Variants in FAM184A observed in about 807,000 individuals in gnomAD.
The protein encoded by FAM184A is family with sequence similarity 184 member A, also known as protein FAM184A.
FAM184A carries 99 observed loss-of-function variants against 143.8 expected under a neutral mutation model. That is an observed-to-expected ratio of 0.69 (90% confidence interval 0.58 to 0.81). The LOEUF is 0.81. Among genes scored for constraint, FAM184A ranks in the 40% least tolerant of loss-of-function variants. The pLI is 0.00. For synonymous variants in FAM184A, 427 were observed against 446.4 expected, an observed-to-expected ratio of 0.96 and a Z score of 0.55; for missense variants, 1,217 against 1,310.5, an observed-to-expected ratio of 0.93 and a Z score of 1.10.
intron 12 of FAM184A, among the ~76,000 whole-genome samples, chr6:118,975,690 GAC>G (rs1783824631): frequency 6.6e-6 from 1 of 152,314 alleles, no homozygotes; most frequent in East Asian, 1.9e-4. Flanking sequence ...GCAGTTATCT[GAC>G]AGTTAAGCTC....
chr6:118,968,807 T>C (rs1483562373), intron 14 of FAM184A, among the ~76,000 whole-genome samples: 2 of 131,588 alleles, frequency 1.5e-5, no homozygotes, highest in Non-Finnish European at 3.2e-5. Context: ...AGCAATCAGT[T>C]ACAATCTCTG....
At chr6:119,004,242 G>C (rs541282483) in intron 7 of FAM184A, among the ~76,000 whole-genome samples, 1 of 152,184 alleles carries the variant, frequency 6.6e-6, no homozygotes, top group African/African-American at 2.4e-5. Flanking sequence ...GGCAACCATC[G>C]GCCCCTGCCA....
At chr6:119,069,405 T>G (rs1050248944) in intron 1 of FAM184A, among the ~76,000 whole-genome samples, 3 of 152,110 alleles carry the variant, frequency 2.0e-5, no homozygotes, top group Non-Finnish European at 4.4e-5. Context: ...CTGAAAGAAA[T>G]GAGAATCTTT....
chr6:119,075,669 T>C (rs189291267), intron 1 of FAM184A, among the ~76,000 whole-genome samples: 2 of 152,326 alleles, frequency 1.3e-5, no homozygotes, highest in East Asian at 1.9e-4. Flanking sequence ...ATATTAGCCA[T>C]TGTCAAGTTC....
At chr6:119,006,369 T>G in intron 7 of FAM184A, 78 bp downstream of exon 7, 1 of 1,375,994 alleles carries the variant, frequency 7.3e-7, no homozygotes, top group South Asian at 1.3e-5. Context: ...ATGTGCTGTT[T>G]AAATAGCTCT....
chr6:119,074,030 AG>A (rs1469246779), intron 1 of FAM184A, among the ~76,000 whole-genome samples: 2 of 152,230 alleles, frequency 1.3e-5, no homozygotes, highest in Non-Finnish European at 2.9e-5. Flanking sequence ...TCAGCGCATA[AG>A]GGAATTCTCA....
chr6:119,133,427 G>C (rs991598847), intron 1 of FAM184A, among the ~76,000 whole-genome samples: 2 of 152,082 alleles, frequency 1.3e-5, no homozygotes, highest in African/African-American at 4.8e-5. Flanking sequence ...AGCACCTATG[G>C]AAAGGAAAGG....
chr6:119,084,093 A>AAGAG (rs1554195093), intron 1 of FAM184A, among the ~76,000 whole-genome samples: 6 of 151,514 alleles, frequency 4.0e-5, no homozygotes, highest in South Asian at 2.1e-4. Flanking sequence ...GAGAGAGAGA[A>AAGAG]AGAGAGAGAG....
chr6:119,023,562 C>G (rs112474804), intron 2 of FAM184A, among the ~76,000 whole-genome samples: 9,031 of 118,256 alleles, frequency 0.076, 1,421 homozygotes, highest in African/African-American at 0.24. Flanking sequence ...TCCGCCCCCC[C>G]CCCCAGGAAC....
At chr6:119,013,451 A>G (rs768733014) in intron 5 of FAM184A, among the ~76,000 whole-genome samples, 3 of 152,224 alleles carry the variant, frequency 2.0e-5, no homozygotes, top group Non-Finnish European at 1.5e-5. Flanking sequence ...AATGAAAAGT[A>G]ATACCAAAAG....
chr6:119,101,839 C>T (rs1338210812), intron 1 of FAM184A, among the ~76,000 whole-genome samples: 2 of 151,924 alleles, frequency 1.3e-5, no homozygotes, highest in Admixed American at 1.3e-4. Flanking sequence ...GCACATCACC[C>T]GAGGTCAGGA....
chr6:118,961,914 G>A lies in FAM184A; in HGVS notation c.3188C>T (p.Pro1063Leu). 6.2e-7 allele frequency: 1 copy of A among 1,613,832 alleles called. No individual in the cohort carries two copies. Among genetic ancestry groups the A allele is most frequent in the Non-Finnish European group, 8.5e-7 (1 of 1,179,856 alleles). The change falls in exon 17 of 18, where the codon CCC (proline) becomes CTC (leucine). Residue 1063 changes from proline to leucine, a missense_variant. By Grantham distance (98) the Pro-to-Leu change is moderately conservative. Transcript: ENST00000338891. ...KSPTNRFVSV[P>L]NLSALESGGV... Reference sequence around the variant, plus strand: ...ACCAGATTCCAGAGCACTTAGATTGGGAACACTCACAAACCTGTTTGTTGG... The same window carrying A: ...ACCAGATTCCAGAGCACTTAGATTGAGAACACTCACAAACCTGTTTGTTGG...
chr6:119,125,454 G>T (rs1412418918), intron 1 of FAM184A, among the ~76,000 whole-genome samples: 2 of 152,130 alleles, frequency 1.3e-5, no homozygotes, highest in Non-Finnish European at 2.9e-5. Context: ...TGTATTTTTA[G>T]TAGAGATGAG....
chr6:119,119,909 A>C (rs545576695), intron 1 of FAM184A, among the ~76,000 whole-genome samples: 17 of 152,316 alleles, frequency 1.1e-4, no homozygotes, highest in African/African-American at 4.1e-4. Context: ...GCTTGAGCCC[A>C]GGAGGTCGAG....
intron 9 of FAM184A, among the ~76,000 whole-genome samples, chr6:118,985,837 T>C (rs1313653221): frequency 2.0e-5 from 3 of 152,210 alleles, no homozygotes; most frequent in Non-Finnish European, 4.4e-5. Flanking sequence ...AAAAAACTGC[T>C]AACCTAGGCT....
chr6:119,024,880 T>TCCAAATGAAAGAATTGAC, intron 1 of FAM184A, 67 bp from the exon 2 acceptor site: 1 of 1,378,426 alleles, frequency 7.3e-7, no homozygotes, highest in Non-Finnish European at 9.8e-7. Flanking sequence ...TTGAAGTCAA[T>TCCAAATGAAAGAATTGAC]TCTTTCATTT....
intron 9 of FAM184A, among the ~76,000 whole-genome samples, chr6:118,981,554 C>G (rs1162784579): frequency 6.6e-6 from 1 of 151,966 alleles, no homozygotes; most frequent in Non-Finnish European, 1.5e-5. Context: ...AGAAAGGTAC[C>G]TGGGAAAGAA....
upstream of FAM184A, among the ~76,000 whole-genome samples, chr6:119,080,326 C>T (rs182275363): frequency 2.7e-3 from 404 of 152,258 alleles, no homozygotes; most frequent in African/African-American, 9.3e-3. Flanking sequence ...GCTTCCAGCT[C>T]GGACTTGGTA....
chr6:119,128,506 G>T (rs1345723366), intron 1 of FAM184A, among the ~76,000 whole-genome samples: 1 of 152,154 alleles, frequency 6.6e-6, no homozygotes, highest in Admixed American at 6.5e-5. Flanking sequence ...TTAAGCAGGG[G>T]CTCTGTGCCT....
Sources: allele counts gnomAD v4.1 joint callset (sites outside exome capture counted in the v4.1 genomes callset), GRCh38; gene constraint gnomAD v4.1.1; transcripts MANE v1.5; gene names NCBI Gene and HGNC (gene_info 2026-07-23, HGNC 2026-07-21).